The following NDUFAF6 variants were observed in gnomAD, a reference collection of about 807,000 sequenced individuals.
NDUFAF6 encodes NADH:ubiquinone oxidoreductase complex assembly factor 6, also known as NADH dehydrogenase (ubiquinone) complex I, assembly factor 6.
NDUFAF6 carries 45 observed loss-of-function variants against 40.8 expected under a neutral mutation model. That is an observed-to-expected ratio of 1.10 (90% confidence interval 0.87 to 1.42). NDUFAF6 has a LOEUF of 1.42. NDUFAF6 is among the 40% of genes most tolerant of loss of function. The pLI, the probability that NDUFAF6 is intolerant of heterozygous loss-of-function variation, is 0.00. For missense variants in NDUFAF6, 435 were observed against 418.5 expected (o/e 1.04, Z -0.34); for synonymous variants, 185 against 155.9 (o/e 1.19, Z -1.39).
At chr8:94,902,595 A>G (rs1211670397) in intron 1 of NDUFAF6, among the ~76,000 whole-genome samples, 1 of 151,830 alleles carries the variant, frequency 6.6e-6, no homozygotes, top group East Asian at 1.9e-4. Flanking sequence ...CATTGTATGG[A>G]TATGCTACAC....
chr8:95,071,363 A>G (rs1348708895), intron 9 of NDUFAF6, among the ~76,000 whole-genome samples: 1 of 143,176 alleles, frequency 7.0e-6, no homozygotes, highest in Non-Finnish European at 1.5e-5. Context: ...TCACCACTGC[A>G]CTCCAGCCTG....
intron 1 of NDUFAF6, among the ~76,000 whole-genome samples, chr8:94,976,330 C>G (rs1824932032): frequency 6.6e-6 from 1 of 151,938 alleles, no homozygotes; most frequent in African/African-American, 2.4e-5. Flanking sequence ...GTGGTGAAAC[C>G]CCGTCTCTAC....
intron 1 of NDUFAF6, chr8:94,974,500 G>C (rs1219881512): frequency 1.3e-5 from 2 of 152,200 alleles, no homozygotes; most frequent in African/African-American, 2.4e-5. Flanking sequence ...ATTGCAGACA[G>C]TATGGAGAAG....
At chr8:94,946,696 C>CAAAAAAACAAAAAAAAA (rs1822029366) in intron 2 of NDUFAF6, among the ~76,000 whole-genome samples, 1 of 34,688 alleles carries the variant, frequency 2.9e-5, no homozygotes, top group African/African-American at 9.5e-5. Flanking sequence ...GACCCTGTCT[C>CAAAAAAACAAAAAAAAA]AAAAAAAAAA....
chr8:94,903,226 G>C (rs1818142953), intron 1 of NDUFAF6, among the ~76,000 whole-genome samples: 1 of 152,096 alleles, frequency 6.6e-6, no homozygotes, highest in Admixed American at 6.6e-5. Flanking sequence ...TGGGTGTGGT[G>C]GTGTGCCCCT....
intron 1 of NDUFAF6, chr8:94,930,452 GAAAC>G: frequency 6.2e-7 from 1 of 1,612,636 alleles, no homozygotes. Flanking sequence ...CAAACCAAGA[GAAAC>G]CAACCAACAA....
chr8:94,982,055 A>G (rs963808947), intron 2 of NDUFAF6, among the ~76,000 whole-genome samples: 2 of 151,986 alleles, frequency 1.3e-5, no homozygotes, highest in African/African-American at 4.8e-5. Flanking sequence ...CGGTGAAACC[A>G]CATCTCTACT....
intron 1 of NDUFAF6, among the ~76,000 whole-genome samples, chr8:95,028,887 A>T (rs996296705): frequency 1.1e-4 from 16 of 152,182 alleles, no homozygotes; most frequent in African/African-American, 3.4e-4. Flanking sequence ...TCAACTATAG[A>T]GCTGCTTTGC....
At chr8:95,016,440 G>A (rs534613924) in intron 2 of NDUFAF6, among the ~76,000 whole-genome samples, 1 of 152,316 alleles carries the variant, frequency 6.6e-6, no homozygotes, top group East Asian at 1.9e-4. Flanking sequence ...AACTACTGGT[G>A]AGCAGTTAAA....
At chr8:94,967,957 A>AT (rs370878256) in intron 1 of NDUFAF6, among the ~76,000 whole-genome samples, 1 of 149,612 alleles carries the variant, frequency 6.7e-6, no homozygotes. Flanking sequence ...AAAAAAAAAA[A>AT]GTCAGCTGGG....
At chr8:94,908,741 C>T (rs1388195552) in intron 1 of NDUFAF6, among the ~76,000 whole-genome samples, 1 of 152,156 alleles carries the variant, frequency 6.6e-6, no homozygotes, top group African/African-American at 2.4e-5. Context: ...TTGAGTCTTG[C>T]AACAACTCTA....
chr8:95,081,549 A>G (rs1808870018), intron 2 of NDUFAF6, among the ~76,000 whole-genome samples: 1 of 152,084 alleles, frequency 6.6e-6, no homozygotes, highest in Non-Finnish European at 1.5e-5. Context: ...TGATACGCTG[A>G]TTGGTGGCCT....
At chr8:95,099,501 C>G (rs558932609), upstream of NDUFAF6, among the ~76,000 whole-genome samples, 5 of 151,672 alleles carry the variant, frequency 3.3e-5, no homozygotes, top group African/African-American at 1.2e-4. Context: ...ATCCCAGCTA[C>G]TAAAGAGGCT....
At chr8:94,913,607 G>A (rs747902150) in intron 1 of NDUFAF6, among the ~76,000 whole-genome samples, 7 of 152,152 alleles carry the variant, frequency 4.6e-5, no homozygotes, top group African/African-American at 7.2e-5. Context: ...GACTAGCCTG[G>A]ACAACATTGC....
At chr8:95,080,076 T>C (rs1202814725), downstream of NDUFAF6, among the ~76,000 whole-genome samples, 2 of 88,294 alleles carry the variant, frequency 2.3e-5, 1 homozygote, top group East Asian at 1.1e-3. Flanking sequence ...TTTTGTAGCG[T>C]ATTTTTTGTA....
chr8:95,064,499 T>G (rs552832066), intron 9 of NDUFAF6, among the ~76,000 whole-genome samples: 1 of 152,194 alleles, frequency 6.6e-6, no homozygotes, highest in Admixed American at 6.5e-5. Flanking sequence ...ACCCATAATT[T>G]CACCAGGTAA....
chr8:94,999,815 A>G (rs1826634857), intron 2 of NDUFAF6, among the ~76,000 whole-genome samples: 2 of 152,234 alleles, frequency 1.3e-5, no homozygotes, highest in Non-Finnish European at 2.9e-5. Flanking sequence ...TCTGGACTAC[A>G]TTGTGTCTAC....
Position 95,069,795 on chromosome 8 carries a change from T to TTA in NDUFAF6, c.*512-5823_*512-5822dup, listed in dbSNP as rs1239142680. On this transcript the variant is annotated intron_variant and NMD_transcript_variant, in intron 9 of 9. Coordinates refer to the NDUFAF6 transcript ENST00000520757. The stretch of plus-strand genomic sequence containing the variant: ...GACTCCGCGTCAAAAAAAAAAAAAA[T>TTA]TATATATATATATATAAATATATAT... 3.3e-3 allele frequency among the ~76,000 whole-genome samples: 466 copies of TTA among 142,122 alleles called. 4 individuals carry two copies. Among genetic ancestry groups the TTA allele is most frequent in the Middle Eastern group, 0.018 (5 of 278 alleles). The allele number at this position is 142,122 out of a possible 152,430, so 93.2% of individuals were successfully genotyped here.
chr8:95,013,922 A>G (rs945228716), intron 2 of NDUFAF6, among the ~76,000 whole-genome samples: 5 of 152,150 alleles, frequency 3.3e-5, no homozygotes, highest in African/African-American at 4.8e-5. Flanking sequence ...TCCTTATACA[A>G]TGGGGAAATC....
Sources: gnomAD v4.1 joint callset for allele counts (sites outside exome capture counted in the v4.1 genomes callset) on GRCh38, gnomAD v4.1.1 for gene constraint, MANE v1.5 for transcripts, NCBI Gene and HGNC (gene_info 2026-07-23, HGNC 2026-07-21) for gene names.